PPM1H: variants seen among roughly 807,000 people sequenced by gnomAD.
The protein encoded by PPM1H is protein phosphatase 1H.
Under a neutral mutation model 54.9 loss-of-function variants are expected in PPM1H, and 27 were observed. The ratio of observed to expected loss-of-function variants is 0.49; its 90% confidence interval spans 0.36 to 0.68. The LOEUF (loss-of-function observed/expected upper bound fraction) is 0.68, where lower values mean the gene tolerates loss of function less well. Among genes scored for constraint, PPM1H ranks in the 30% least tolerant of loss-of-function variants. PPM1H has a pLI of 0.00. For synonymous variants in PPM1H, 305 were observed against 270.8 expected (o/e 1.13, Z -1.24); for missense variants, 596 against 667.8 (o/e 0.89, Z 1.19).
intron 2 of PPM1H, among the ~76,000 whole-genome samples, chr12:62,826,696 A>G (rs1783819402): frequency 6.6e-6 from 1 of 152,224 alleles, no homozygotes. Context: ...TTTTGAAAAC[A>G]CATATTTTGA....
At position 62,646,783 on chromosome 12, in the gene PPM1H, G is replaced by T. The variant is rs1306851003; in HGVS notation, c.*1706C>A. On this transcript the variant is annotated 3_prime_UTR_variant, in exon 10 of 10. Transcript: ENST00000228705. Reference sequence around the variant, plus strand: ...GCACTGTCTCCACACCCTGGAATGAGTTCTTTCCTGAGCAGGAGGGGCTCC... The same window carrying T: ...GCACTGTCTCCACACCCTGGAATGATTTCTTTCCTGAGCAGGAGGGGCTCC... The T allele has an allele frequency of 6.6e-6, 1 of 152,242 alleles. No homozygotes were observed. The highest frequency in any genetic ancestry group is 1.5e-5 in the Non-Finnish European group (1 of 68,076). 9.4% of individuals were successfully genotyped at this position (152,242 alleles called of 1,614,324 possible).
At position 62,809,479 on chromosome 12, in the gene PPM1H, A is replaced by C. The variant is rs75831796; in HGVS notation, c.412-7319T>G. Reference sequence around the variant, plus strand: ...CATAAAGTCAGATCTGTGAACATGAAGGAATGAATGTCTCCTCAATGTCAC... The same window carrying C: ...CATAAAGTCAGATCTGTGAACATGACGGAATGAATGTCTCCTCAATGTCAC... On this transcript the variant is annotated intron_variant, in intron 2 of 9. Transcript: ENST00000228705. Among the ~76,000 whole-genome samples, 327 of 152,356 alleles carry C rather than the reference A, an allele frequency of 2.1e-3. 1 individual carries two copies. Among genetic ancestry groups the C allele is most frequent in the African/African-American group, 7.5e-3 (314 of 41,592 alleles).
At chr12:62,697,230 G>A (rs1322840344) in intron 6 of PPM1H, among the ~76,000 whole-genome samples, 1 of 151,814 alleles carries the variant, frequency 6.6e-6, no homozygotes, top group African/African-American at 2.4e-5. Context: ...AGGTCCAAGC[G>A]ATTCTCCTGC....
intron 1 of PPM1H, among the ~76,000 whole-genome samples, chr12:62,878,497 C>G (rs1025437181): frequency 6.6e-6 from 1 of 151,952 alleles, no homozygotes; most frequent in Non-Finnish European, 1.5e-5. Context: ...AGCTTTAACA[C>G]TTGATGGTCT....
intron 2 of PPM1H, among the ~76,000 whole-genome samples, chr12:62,802,690 A>T (rs1291679765): frequency 1.5e-5 from 2 of 131,492 alleles, no homozygotes; most frequent in Non-Finnish European, 3.6e-5. Context: ...CAGTCTTCTC[A>T]TGCCTCAGCC....
chr12:62,675,573 A>C (rs1235446017), intron 8 of PPM1H, among the ~76,000 whole-genome samples: 1 of 152,250 alleles, frequency 6.6e-6, no homozygotes, highest in Non-Finnish European at 1.5e-5. Context: ...AAGTCCACCC[A>C]GAAGGCAGGT....
chr12:62,749,835 C>T lies in PPM1H; in HGVS notation c.870-12249G>A, dbSNP rs143871257. 7.0e-3 allele frequency among the ~76,000 whole-genome samples: 1,068 copies of T among 152,302 alleles called. 8 individuals are homozygous for T. The highest frequency in any genetic ancestry group is 0.011 in the Non-Finnish European group (748 of 68,016). On this transcript the variant is annotated intron_variant, in intron 4 of 9. Transcript: ENST00000228705. ...AAAAATAAGTGACCACTCATAGAGC[C>T]ATAGCTGAGTCCCATGTTCCTTGCT...
chr12:62,715,518 G>A (rs1291975435), intron 6 of PPM1H, among the ~76,000 whole-genome samples: 1 of 152,026 alleles, frequency 6.6e-6, no homozygotes, highest in Admixed American at 6.6e-5. Flanking sequence ...ATAACCTTTT[G>A]TCCTCAAAAC....
intron 1 of PPM1H, among the ~76,000 whole-genome samples, chr12:62,846,487 G>A (rs376851081): frequency 6.7e-5 from 10 of 149,900 alleles, no homozygotes; most frequent in African/African-American, 2.5e-4. Flanking sequence ...GCAACAGAGC[G>A]AGATTCCGCC....
At chr12:62,694,814 C>T (rs1187348808) in intron 6 of PPM1H, among the ~76,000 whole-genome samples, 1 of 152,198 alleles carries the variant, frequency 6.6e-6, no homozygotes, top group African/African-American at 2.4e-5. Context: ...ATACAAAGAG[C>T]TCAGTACAGA....
chr12:62,788,118 T>C, intron 4 of PPM1H, 108 bp downstream of exon 4: 3 of 760,974 alleles, frequency 3.9e-6, no homozygotes, highest in South Asian at 1.7e-5. Context: ...TTCATTCTGA[T>C]GTAGAAGGCC....
intron 1 of PPM1H, among the ~76,000 whole-genome samples, chr12:62,902,785 T>C (rs1222578138): frequency 1.3e-5 from 2 of 152,242 alleles, no homozygotes; most frequent in Non-Finnish European, 2.9e-5. Flanking sequence ...GAGGCTCTCA[T>C]GACTGTAATA....
chr12:62,921,047 C>G (rs1871783157), intron 1 of PPM1H, among the ~76,000 whole-genome samples: 2 of 152,062 alleles, frequency 1.3e-5, no homozygotes, highest in South Asian at 4.2e-4. Flanking sequence ...GCCTCAGCCT[C>G]CCAAGTAGCT....
chr12:62,775,927 T>C (rs1021980714), intron 4 of PPM1H, among the ~76,000 whole-genome samples: 2 of 152,194 alleles, frequency 1.3e-5, no homozygotes, highest in African/African-American at 4.8e-5. Flanking sequence ...TTTAATCGAC[T>C]CACAGTTCCA....
intron 5 of PPM1H, among the ~76,000 whole-genome samples, chr12:62,735,648 G>C (rs7309308): frequency 2.0e-5 from 3 of 152,306 alleles, no homozygotes; most frequent in East Asian, 1.9e-4. Flanking sequence ...AGTCTGAAGA[G>C]GGGGAGAGAC....
rs573905685 is a variant in PPM1H, at chr12:62,798,284, C to G, written c.756+3532G>C. Among the ~76,000 whole-genome samples the G allele has an allele frequency of 6.6e-5, 10 of 152,286 alleles. No individual in the cohort carries two copies. In the East Asian group the frequency reaches 1.5e-3, roughly 24 times the overall value. On this transcript the variant is annotated intron_variant, in intron 3 of 9. Transcript: ENST00000228705. ...AGAAAAGGAGCAGGTAGGGGATAGT[C>G]TGGGGCTCTGGAAATCAATAAATCA...
rs2075786188 is a variant in PPM1H at position 62,646,592 on chromosome 12, T to TTCTC, written c.*1893_*1896dup. 6.6e-6 allele frequency: 1 copy of TTCTC among 152,262 alleles called. No individual in the cohort carries two copies. Among genetic ancestry groups the TTCTC allele is most frequent in the African/African-American group, 2.4e-5 (1 of 41,450 alleles). 9.4% of individuals were successfully genotyped at this position (152,262 alleles called of 1,614,324 possible). On this transcript the variant is annotated 3_prime_UTR_variant, in exon 10 of 10. Transcript: ENST00000228705. Reference sequence around the variant, plus strand: ...ACGAAGCAAAGCATTTTCCACAAACTTCTCTCCATAGAGATATCTGGGGTA... The same window carrying TTCTC: ...ACGAAGCAAAGCATTTTCCACAAACTTCTCTCTCTCCATAGAGATATCTGGGGTA...
intron 2 of PPM1H, among the ~76,000 whole-genome samples, chr12:62,807,397 T>C (rs993021489): frequency 1.3e-5 from 2 of 152,106 alleles, no homozygotes; most frequent in Admixed American, 1.3e-4. Flanking sequence ...ATTCAGGCCA[T>C]AAGAAACACA....
chr12:62,894,596 C>A (rs181756092), intron 1 of PPM1H, among the ~76,000 whole-genome samples: 1 of 152,172 alleles, frequency 6.6e-6, no homozygotes, highest in African/African-American at 2.4e-5. Flanking sequence ...ACAATACAAC[C>A]TACCTCCCAG....
Sources: gnomAD v4.1 joint callset for allele counts (sites outside exome capture counted in the v4.1 genomes callset) on GRCh38, gnomAD v4.1.1 for gene constraint, MANE v1.5 for transcripts, NCBI Gene and HGNC (gene_info 2026-07-23, HGNC 2026-07-21) for gene names.